Variants in SRGAP2C observed in about 807,000 individuals in gnomAD.
SRGAP2C encodes the protein SLIT-ROBO Rho GTPase-activating protein 2C.
A neutral mutation model predicts 25.1 loss-of-function variants in SRGAP2C; 15 were observed. The ratio of observed to expected loss-of-function variants is 0.60; its 90% CI spans 0.40 to 0.92. The LOEUF (loss-of-function observed/expected upper bound fraction) is 0.92. Among genes scored for constraint, SRGAP2C ranks in the 40% least tolerant of loss-of-function variants. The probability of loss-of-function intolerance (pLI) is 0.00; values close to 1 mark genes in which losing one functional copy is unlikely to be tolerated. For missense variants in SRGAP2C, 144 were observed against 264.4 expected (o/e 0.54, Z 3.16); for synonymous variants, 44 against 96.6 (o/e 0.46, Z 3.19).
chr1:121,295,287 T>C (rs1657571407), intron 3 of SRGAP2C, among the ~76,000 whole-genome samples: 1 of 151,106 alleles, frequency 6.6e-6, no homozygotes, highest in East Asian at 2.0e-4. Flanking sequence ...CTCTATACAA[T>C]AGACACTGGA....
At chr1:121,249,593 TTTTTTA>T (rs1656305877) in intron 2 of SRGAP2C, among the ~76,000 whole-genome samples, 1 of 74,704 alleles carries the variant, frequency 1.3e-5, no homozygotes, top group African/African-American at 4.9e-5. Flanking sequence ...TTTTTTTTTT[TTTTTTA>T]AATTATACTT....
intron 3 of SRGAP2C, among the ~76,000 whole-genome samples, chr1:121,289,331 C>T (rs1359848660): frequency 2.0e-5 from 3 of 150,364 alleles, no homozygotes; most frequent in African/African-American, 7.3e-5. Context: ...GTACACCCTC[C>T]GCAGCCACTG....
intron 2 of SRGAP2C, among the ~76,000 whole-genome samples, chr1:121,202,559 G>T (rs1413785671): frequency 6.8e-6 from 1 of 147,040 alleles, no homozygotes. Flanking sequence ...CTCCTGAGTA[G>T]CTGGGATTAC....
chr1:121,286,642 C>G (rs1455662539), intron 3 of SRGAP2C, among the ~76,000 whole-genome samples: 11 of 152,240 alleles, frequency 7.2e-5, no homozygotes, highest in Non-Finnish European at 1.2e-4. Flanking sequence ...AGGTCCTACT[C>G]CAGTCCTACT....
At chr1:121,216,168 G>A (rs1367620903) in intron 2 of SRGAP2C, among the ~76,000 whole-genome samples, 1 of 152,150 alleles carries the variant, frequency 6.6e-6, no homozygotes, top group Non-Finnish European at 1.5e-5. Context: ...AGACACAGTA[G>A]CAGGAACAGA....
In SRGAP2C at chr1:121,254,390, T is replaced by C. The variant is rs1229666621; in HGVS notation, c.68-30413T>C. On this transcript the variant is annotated intron_variant, in intron 2 of 9. Coordinates refer to ENST00000367123, the MANE Select transcript of SRGAP2C (RefSeq NM_001329984.2). The stretch of plus-strand genomic sequence containing the variant: ...TTATAGGTACCCCCAGACCATTGCG[T>C]TAAAGCGTTCAGGATAGTGCTCTGC... 3.0e-5 allele frequency among the ~76,000 whole-genome samples: 2 copies of C among 65,888 alleles called. 1 individual carries two copies. Among genetic ancestry groups the C allele is most frequent in the Non-Finnish European group, 6.4e-5 (2 of 31,180 alleles). 43.2% of individuals were successfully genotyped at this position (65,888 alleles called of 152,430 possible). A position where few individuals can be genotyped will look rare whatever the true frequency, so the allele number is the denominator to read the frequency against.
chr1:121,361,840 TC>T (rs1305909024), intron 4 of SRGAP2C: 8 of 126,982 alleles, frequency 6.3e-5, no homozygotes, highest in African/African-American at 2.1e-4. Flanking sequence ...AGTAATTTTT[TC>T]CCCCAACTTC....
At chr1:121,336,559 GAAT>G (rs1242527184) in intron 4 of SRGAP2C, among the ~76,000 whole-genome samples, 2 of 87,134 alleles carry the variant, frequency 2.3e-5, no homozygotes, top group Non-Finnish European at 4.8e-5. Flanking sequence ...CTATTCTTTT[GAAT>G]AATCTTTTAA....
intron 3 of SRGAP2C, among the ~76,000 whole-genome samples, chr1:121,291,093 C>T (rs1657481974): frequency 7.5e-6 from 1 of 132,732 alleles, no homozygotes; most frequent in Non-Finnish European, 1.6e-5. Flanking sequence ...TTGGGGTAAT[C>T]TACACACAAA....
At chr1:121,263,392 C>G (rs1318923744) in intron 2 of SRGAP2C, among the ~76,000 whole-genome samples, 1 of 135,788 alleles carries the variant, frequency 7.4e-6, no homozygotes, top group African/African-American at 2.8e-5. Flanking sequence ...GATCACACCA[C>G]TGCACTCCAG....
intron 2 of SRGAP2C, among the ~76,000 whole-genome samples, chr1:121,249,580 ATTTT>A (rs1159053572): frequency 1.4e-3 from 31 of 22,356 alleles, no homozygotes; most frequent in East Asian, 0.012. Flanking sequence ...ATATATATAT[ATTTT>A]TTTTTTTTTT....
intron 3 of SRGAP2C, among the ~76,000 whole-genome samples, chr1:121,308,660 C>T (rs1397802669): frequency 5.3e-5 from 8 of 151,742 alleles, no homozygotes; most frequent in African/African-American, 1.2e-4. Flanking sequence ...AAGTATGGGC[C>T]GGGTGCGGTG....
At chr1:121,355,040 A>T (rs1270473321) in intron 4 of SRGAP2C, among the ~76,000 whole-genome samples, 1 of 81,946 alleles carries the variant, frequency 1.2e-5, no homozygotes, top group Non-Finnish European at 2.4e-5. Flanking sequence ...TGTCTCAAAA[A>T]AGAAGAGAGA....
At position 121,388,392 on chromosome 1, in the gene SRGAP2C, T is replaced by G. The variant is rs1659993815; in HGVS notation, c.*537T>G. The G allele has an allele frequency of 2.1e-5, 1 of 47,328 alleles. No homozygotes were observed. The highest frequency in any genetic ancestry group is 2.3e-4 in the Admixed American group (1 of 4,326). The allele number at this position is 47,328 out of a possible 1,614,324, so 2.9% of individuals were successfully genotyped here. The stretch of plus-strand genomic sequence containing the variant: ...TCTTATTCATGTATCTCTAGTCTTC[T>G]TTTAGACAGTTGGACCCTTTTTTCT... On this transcript the variant is annotated 3_prime_UTR_variant, in exon 10 of 10. Transcript: ENST00000367123.
intron 2 of SRGAP2C, among the ~76,000 whole-genome samples, chr1:121,196,980 CTG>C (rs1654844000): frequency 6.6e-6 from 1 of 151,250 alleles, no homozygotes; most frequent in African/African-American, 2.4e-5. Context: ...GCATAAAAGA[CTG>C]TTAATATTAA....
chr1:121,236,671 T>G (rs1374941110), intron 2 of SRGAP2C, among the ~76,000 whole-genome samples: 4 of 151,862 alleles, frequency 2.6e-5, no homozygotes, highest in African/African-American at 9.7e-5. Flanking sequence ...CCTCTTTCAG[T>G]TCGAGATCTT....
chr1:121,355,368 AG>A (rs1346247711), intron 4 of SRGAP2C, among the ~76,000 whole-genome samples: 1 of 67,366 alleles, frequency 1.5e-5, no homozygotes, highest in African/African-American at 6.3e-5. Context: ...CCCAGGCTGG[AG>A]TGCAGTGGCG....
rs1161491118 is a variant in SRGAP2C, at chr1:121,358,769, A to ATTT, written c.424-6507_424-6505dup. Among the ~76,000 whole-genome samples, 607 of 70,682 alleles carry ATTT rather than the reference A, an allele frequency of 8.6e-3. 8 individuals carry two copies. Among genetic ancestry groups the ATTT allele is most frequent in the African/African-American group, 0.012 (224 of 18,426 alleles). The allele number at this position is 70,682 out of a possible 152,430, so 46.4% of individuals were successfully genotyped here. On this transcript the variant is annotated intron_variant, in intron 4 of 9. Transcript: ENST00000367123. ...TAATAGCTGGATTTTTTGAAATCAG[A>ATTT]TTTTTTTTTTTTTTTTTTTGGCAAG...
rs375783820 is a variant in SRGAP2C at position 121,184,993 on chromosome 1, C to G, written c.-674C>G. 116 of 510,300 alleles carry G rather than the reference C, an allele frequency of 2.3e-4. No individual in the cohort carries two copies. The East Asian group carries it at 3.2e-3, about 14-fold the overall frequency. 31.6% of individuals were successfully genotyped at this position (510,300 alleles called of 1,614,324 possible). ...TCCCGGCGGGGTCCTGCGGAGTTGG[C>G]GGAGGCGGCGGAGGCTCCTCCAGGG... On this transcript the variant is annotated 5_prime_UTR_variant, in exon 1 of 10. Coordinates refer to ENST00000367123, the MANE Select transcript of SRGAP2C (RefSeq NM_001329984.2).
Sources: gnomAD v4.1 joint callset for allele counts (sites outside exome capture counted in the v4.1 genomes callset) on GRCh38, gnomAD v4.1.1 for gene constraint, MANE v1.5 for transcripts, NCBI Gene and HGNC (gene_info 2026-07-23, HGNC 2026-07-21) for gene names.